The following PLXNA2 variants were observed in gnomAD, a reference collection of about 807,000 sequenced individuals.
The protein encoded by PLXNA2 is plexin-A2.
Under a neutral mutation model 193.5 loss-of-function variants are expected in PLXNA2, and 91 were observed. The observed-to-expected ratio is 0.47, with a 90% CI of 0.40 to 0.56. The LOEUF (loss-of-function observed/expected upper bound fraction) is 0.56, where lower values mean the gene tolerates loss of function less well. Among genes scored for constraint, PLXNA2 ranks in the 20% least tolerant of loss-of-function variants. PLXNA2 has a pLI of 0.00. For synonymous variants in PLXNA2, 997 were observed against 1,027.3 expected (o/e 0.97, Z 0.56); for missense variants, 1,995 against 2,503.2 (o/e 0.80, Z 4.33).
chr1:208,096,920 C>T (rs761734891), intron 6 of PLXNA2, 37 bp from the exon 7 acceptor site: 3 of 1,587,520 alleles, frequency 1.9e-6, no homozygotes, highest in South Asian at 2.3e-5. Context: ...CAAAGAAATG[C>T]CTCAGGAGAC....
At chr1:208,116,145 C>G (rs1178115278) in intron 4 of PLXNA2, among the ~76,000 whole-genome samples, 1 of 152,214 alleles carries the variant, frequency 6.6e-6, no homozygotes, top group South Asian at 2.1e-4. Flanking sequence ...CCTCCCCTCT[C>G]CCGCTCATGT....
At position 208,207,192 on chromosome 1, in the gene PLXNA2, G is replaced by T. The variant is rs188926430; in HGVS notation, c.1371+3088C>A. Among the ~76,000 whole-genome samples, 337 of 152,332 alleles carry T rather than the reference G, an allele frequency of 2.2e-3. 2 individuals carry two copies. The highest frequency in any genetic ancestry group is 7.8e-3 in the African/African-American group (325 of 41,570). The stretch of plus-strand genomic sequence containing the variant: ...AGCTAATTTTTGTATTTTTAGTAGA[G>T]ACGGGGTTTCACCATGTTGGCCGGG... On this transcript the variant is annotated intron_variant, in intron 3 of 31. Transcript: ENST00000367033.
chr1:208,033,284 C>T (rs1479626209), intron 28 of PLXNA2, 35 bp downstream of exon 28: 2 of 1,575,428 alleles, frequency 1.3e-6, no homozygotes, highest in South Asian at 1.2e-5. Context: ...GCTCCTTTAA[C>T]AAGCACTCCC....
intron 4 of PLXNA2, among the ~76,000 whole-genome samples, chr1:208,132,372 G>T (rs1668184172): frequency 6.6e-6 from 1 of 152,148 alleles, no homozygotes; most frequent in Non-Finnish European, 1.5e-5. Context: ...GCCAGGGGGC[G>T]CTGTCTCAGG....
intron 3 of PLXNA2, among the ~76,000 whole-genome samples, chr1:208,145,920 G>A (rs1036884967): frequency 3.9e-5 from 6 of 152,096 alleles, no homozygotes; most frequent in Non-Finnish European, 8.8e-5. Flanking sequence ...TCTAAATCCC[G>A]GAGAGAAATG....
At chr1:208,186,714 T>TTTTTTTTTA (rs1670012945) in intron 3 of PLXNA2, among the ~76,000 whole-genome samples, 1 of 97,614 alleles carries the variant, frequency 1.0e-5, no homozygotes, top group Non-Finnish European at 2.0e-5. Flanking sequence ...TGTTATTTTA[T>TTTTTTTTTA]TTTTTTTTTT....
intron 7 of PLXNA2, among the ~76,000 whole-genome samples, chr1:208,096,403 A>C (rs1255175878): frequency 6.6e-6 from 1 of 152,128 alleles, no homozygotes; most frequent in Non-Finnish European, 1.5e-5. Flanking sequence ...CATTACTGAA[A>C]GGATTTCAGA....
rs553989333 is a variant in PLXNA2 at position 208,026,517 on chromosome 1, G to C, written c.*726C>G. The stretch of plus-strand genomic sequence containing the variant: ...AGTCAGCCAGGGTGAGCTCTTGATG[G>C]CTTTGCAATTTGTGCAAAGTTCTGG... On this transcript the variant is annotated 3_prime_UTR_variant, in exon 32 of 32. Coordinates refer to ENST00000367033, the MANE Select transcript of PLXNA2 (RefSeq NM_025179.4). 7.2e-5 allele frequency: 11 copies of C among 152,302 alleles called. No homozygotes were observed. The East Asian group carries it at 2.1e-3, about 29-fold the overall frequency. The allele number at this position is 152,302 out of a possible 1,614,324, so 9.4% of individuals were successfully genotyped here. A position where few individuals can be genotyped will look rare whatever the true frequency, so the allele number is the denominator to read the frequency against.
rs1666451136 is a variant in PLXNA2 at position 208,084,598 on chromosome 1, G to A, written c.2098-18C>T. The A allele has an allele frequency of 6.2e-7, 1 of 1,612,110 alleles. No individual in the cohort carries two copies. The highest frequency in any genetic ancestry group is 1.3e-5 in the African/African-American group (1 of 74,924). ...GGACAGTCCTGGGGGAACAAACGAA[G>A]AGGCTCCATCTGTCCCCTGTTCATG... is the stretch of plus-strand genomic sequence containing the variant. On this transcript the variant is annotated intron_variant, in intron 9 of 31. Coordinates refer to ENST00000367033, the MANE Select transcript of PLXNA2 (RefSeq NM_025179.4).
intron 1 of PLXNA2, among the ~76,000 whole-genome samples, chr1:208,237,654 G>A (rs1671909163): frequency 6.6e-6 from 1 of 152,212 alleles, no homozygotes; most frequent in Non-Finnish European, 1.5e-5. Context: ...ACAGGAAACT[G>A]TGAAGTTCTC....
chr1:208,203,541 G>C (rs1268353469), intron 3 of PLXNA2, among the ~76,000 whole-genome samples: 1 of 152,158 alleles, frequency 6.6e-6, no homozygotes, highest in Non-Finnish European at 1.5e-5. Context: ...GCTATTGTTT[G>C]GTGGGGCTGG....
intron 3 of PLXNA2, among the ~76,000 whole-genome samples, chr1:208,150,048 G>A (rs1311004589): frequency 1.3e-5 from 2 of 152,218 alleles, no homozygotes; most frequent in African/African-American, 4.8e-5. Context: ...GGGGACGCAG[G>A]AGCCTGGAAA....
At chr1:208,211,507 C>A (rs1161806644) in intron 2 of PLXNA2, among the ~76,000 whole-genome samples, 1 of 152,122 alleles carries the variant, frequency 6.6e-6, no homozygotes, top group Non-Finnish European at 1.5e-5. Flanking sequence ...TTCTGGCCAA[C>A]ATAGTGAAAC....
intron 3 of PLXNA2, among the ~76,000 whole-genome samples, chr1:208,163,160 G>C (rs962463610): frequency 6.6e-6 from 1 of 152,144 alleles, no homozygotes; most frequent in African/African-American, 2.4e-5. Context: ...GAAGAACAGG[G>C]TGTGAGTGTG....
chr1:208,226,326 C>T (rs761778839), intron 1 of PLXNA2, among the ~76,000 whole-genome samples: 7 of 152,216 alleles, frequency 4.6e-5, no homozygotes, highest in East Asian at 1.9e-4. Context: ...CTGCTTTTAA[C>T]GTCAGGGAGA....
chr1:208,210,167 C>T, intron 3 of PLXNA2, 113 bp downstream of exon 3: 1 of 1,166,302 alleles, frequency 8.6e-7, no homozygotes, highest in Non-Finnish European at 1.3e-6. Flanking sequence ...CCTTTGTTCC[C>T]CAAGAAAATA....
At chr1:208,193,833 T>C (rs1411441010) in intron 3 of PLXNA2, among the ~76,000 whole-genome samples, 1 of 151,114 alleles carries the variant, frequency 6.6e-6, no homozygotes. Flanking sequence ...ATTGAGGCTG[T>C]AGTGAGCTAT....
chr1:208,071,648 C>T (rs987163127), intron 12 of PLXNA2, among the ~76,000 whole-genome samples: 4 of 152,232 alleles, frequency 2.6e-5, no homozygotes, highest in Non-Finnish European at 5.9e-5. Context: ...CTTGCTGGCT[C>T]TGTCTTAGCT....
At chr1:208,033,107 G>T (rs1302819612) in intron 28 of PLXNA2, among the ~76,000 whole-genome samples, 10 of 150,664 alleles carry the variant, frequency 6.6e-5, no homozygotes, top group African/African-American at 2.0e-4. Flanking sequence ...TGTTGCCCAG[G>T]CTGGTCCCAT....
Sources: gnomAD v4.1 joint callset for allele counts (sites outside exome capture counted in the v4.1 genomes callset) on GRCh38, gnomAD v4.1.1 for gene constraint, MANE v1.5 for transcripts, NCBI Gene and HGNC (gene_info 2026-07-23, HGNC 2026-07-21) for gene names.